The following ANK1 variants were observed in gnomAD, a reference collection of about 807,000 sequenced individuals.
ANK1 encodes ankyrin 1, also known as ankyrin-1.
Under a neutral mutation model 210.4 loss-of-function variants are expected in ANK1, and 51 were observed. That is an observed-to-expected ratio of 0.24 (90% confidence interval 0.19 to 0.31). ANK1 has a LOEUF of 0.31. Among genes scored for constraint, ANK1 ranks in the 10% least tolerant of loss-of-function variants. The probability of loss-of-function intolerance (pLI) is 1.00; values close to 1 mark genes in which losing one functional copy is unlikely to be tolerated. For synonymous variants in ANK1, 967 were observed against 1,025.9 expected, an observed-to-expected ratio of 0.94 and a Z score of 1.10; for missense variants, 2,051 against 2,504.4, an observed-to-expected ratio of 0.82 and a Z score of 3.86.
chr8:41,860,391 A>G (rs1480273575), intron 1 of ANK1, among the ~76,000 whole-genome samples: 1 of 152,234 alleles, frequency 6.6e-6, no homozygotes, highest in Non-Finnish European at 1.5e-5. Context: ...AGCCTTGCCC[A>G]CAATGCGGAG....
intron 39 of ANK1, chr8:41,664,799 G>T: frequency 6.2e-7 from 1 of 1,600,690 alleles, no homozygotes; most frequent in African/African-American, 1.3e-5. Flanking sequence ...CCTGCCAGGC[G>T]GTTACCTTCA....
chr8:41,820,574 G>T (rs1222543271), intron 1 of ANK1, among the ~76,000 whole-genome samples: 1 of 152,032 alleles, frequency 6.6e-6, no homozygotes, highest in East Asian at 1.9e-4. Context: ...TGTGGCCAGT[G>T]TTTTCTCAGG....
At chr8:41,725,618 C>T in intron 6 of ANK1, 143 bp downstream of exon 6, 4 of 1,150,888 alleles carry the variant, frequency 3.5e-6, no homozygotes, top group Non-Finnish European at 4.9e-6. Flanking sequence ...GGCCCCTCTG[C>T]GTCCTGGGGT....
In ANK1 at chr8:41,883,578, A is replaced by G. The variant is rs147273912; in HGVS notation, c.126+12777T>C. On this transcript the variant is annotated intron_variant, in intron 1 of 42. Transcript: ENST00000265709. ...GGGTTCAAGTGATCCTCCCACCTCA[A>G]CCTCCTAAGTAGCTGGGAATACAGG... Among the ~76,000 whole-genome samples, 1,401 of 151,822 alleles carry G rather than the reference A, an allele frequency of 9.2e-3. 19 individuals are homozygous for G. The highest frequency in any genetic ancestry group is 0.032 in the African/African-American group (1,323 of 41,360).
Position 41,704,553 on chromosome 8 carries a change from AAAG to A in ANK1, c.2098-84_2098-82del. On this transcript the variant is annotated intron_variant, in intron 18 of 42. Transcript: ENST00000289734. The surrounding 1 kb of genome is among the most constrained non-coding windows in gnomAD (Gnocchi z 4.1). ...AAATCCTTCCCAAAGCAGCTGATTC[AAAG>A]AGAGAACGGACAGGGAGCCCCTTGA... 7.8e-7 allele frequency: 1 copy of A among 1,279,866 alleles called. No homozygotes were observed. Among genetic ancestry groups the A allele is most frequent in the African/African-American group, 1.5e-5 (1 of 68,582 alleles). The allele number at this position is 1,279,866 out of a possible 1,614,324, so 79.3% of individuals were successfully genotyped here.
At position 41,672,647 on chromosome 8, in the gene ANK1, C is replaced by G. The variant is rs148991558; in HGVS notation, c.4803G>C (p.Lys1601Asn). The G allele has an allele frequency of 1.2e-6, 2 of 1,614,246 alleles. No individual in the cohort carries two copies. Among genetic ancestry groups the G allele is most frequent in the African/African-American group, 2.7e-5 (2 of 75,068 alleles). ...GTTCCTCTGAGAGTGCCCCCTCCAA[C>G]TTCCACTCGTGACCTGTGGCATCAG... is the stretch of plus-strand genomic sequence containing the variant. Reference protein sequence around the residue: ...EDSDATGHEWKLEGALSEEPR... With the variant: ...EDSDATGHEWNLEGALSEEPR... The change falls in exon 38 of 43, where the codon AAG becomes AAC. Residue 1601 changes from lysine to asparagine, a missense_variant. Physicochemically the swap from Lys to Asn is moderately conservative, Grantham distance 94 (BLOSUM62 0). Around this residue, in one of 6 missense-constraint regions of ANK1, gnomAD observed 496 missense variants for 533.4 expected, o/e 0.93. Coordinates refer to ENST00000289734, the MANE Select transcript of ANK1 (RefSeq NM_000037.4).
intron 37 of ANK1, among the ~76,000 whole-genome samples, chr8:41,683,336 G>A (rs1309196818): frequency 6.6e-6 from 1 of 152,220 alleles, no homozygotes; most frequent in Non-Finnish European, 1.5e-5. Context: ...GATGGGCCCT[G>A]CTCCCAGGAT....
At position 41,691,368 on chromosome 8, in the gene ANK1, G is replaced by C. The variant is rs114181382; in HGVS notation, c.3859-769C>G. Among the ~76,000 whole-genome samples, 111 of 152,288 alleles carry C rather than the reference G, an allele frequency of 7.3e-4. 1 individual carries two copies. Among genetic ancestry groups the C allele is most frequent in the African/African-American group, 2.6e-3 (109 of 41,564 alleles). On this transcript the variant is annotated intron_variant, in intron 31 of 42. Coordinates refer to ENST00000289734, the MANE Select transcript of ANK1 (RefSeq NM_000037.4). ...CTGAGAAGTTATCACTAACTCATTT[G>C]ACAGTTGAAAAAATTGAGGCTGAAA... is the stretch of plus-strand genomic sequence containing the variant.
chr8:41,765,053 T>C (rs1204667720), intron 1 of ANK1, among the ~76,000 whole-genome samples: 2 of 151,802 alleles, frequency 1.3e-5, no homozygotes, highest in Non-Finnish European at 2.9e-5. Flanking sequence ...GGGTCAATCA[T>C]TTCCCTTCCT....
In ANK1 at chr8:41,748,103, G is replaced by A. The variant is rs374217070; in HGVS notation, c.129+9933C>T. Among the ~76,000 whole-genome samples the A allele has an allele frequency of 5.0e-4, 76 of 152,228 alleles. No homozygotes were observed. In the East Asian group the frequency reaches 0.014, roughly 28 times the overall value. On this transcript the variant is annotated intron_variant, in intron 2 of 42. Transcript: ENST00000289734. ...CTCTCAGGGTGACGTCAGCATTAAC[G>A]GTGTCGCAGGTACCAGGTGCCAGGC...
intron 1 of ANK1, among the ~76,000 whole-genome samples, chr8:41,761,298 T>TAC (rs905040076): frequency 2.7e-5 from 4 of 149,090 alleles, no homozygotes; most frequent in Non-Finnish European, 4.4e-5. Context: ...AAGAGATGCA[T>TAC]ACACACACAC....
At position 41,692,992 on chromosome 8, in the gene ANK1, C is replaced by G; in HGVS notation, c.3629+113G>C. On this transcript the variant is annotated intron_variant, in intron 30 of 42. Coordinates refer to ENST00000289734, the MANE Select transcript of ANK1 (RefSeq NM_000037.4). ...GCTACTATTGCCACACCTGTGGTCACGGAGGCTTCCACATGGAGGGGACAG... is the reference window on the plus strand; with the variant it reads ...GCTACTATTGCCACACCTGTGGTCAGGGAGGCTTCCACATGGAGGGGACAG... 4 of 1,514,828 alleles carry G rather than the reference C, an allele frequency of 2.6e-6. No homozygotes were observed. In the South Asian group the frequency reaches 4.5e-5, roughly 17 times the overall value. 93.8% of individuals were successfully genotyped at this position (1,514,828 alleles called of 1,614,324 possible).
chr8:41,733,563 A>G (rs1387638321), intron 3 of ANK1, among the ~76,000 whole-genome samples: 3 of 152,166 alleles, frequency 2.0e-5, no homozygotes, highest in East Asian at 1.9e-4. Flanking sequence ...TATTATCTCC[A>G]TTTTACAGAC....
intron 18 of ANK1, among the ~76,000 whole-genome samples, chr8:41,705,064 G>T (rs895535360): frequency 5.9e-5 from 9 of 152,220 alleles, no homozygotes. Context: ...ACTGGTCATT[G>T]CTTATTGAAA....
At chr8:41,851,545 C>T (rs2150811885) in intron 1 of ANK1, among the ~76,000 whole-genome samples, 1 of 152,360 alleles carries the variant, frequency 6.6e-6, no homozygotes, top group African/African-American at 2.4e-5. Flanking sequence ...TGCTCCTTCA[C>T]ACCTAAGTAT....
chr8:41,720,008 G>T, intron 9 of ANK1, 150 bp from the exon 10 acceptor site: 2 of 899,478 alleles, frequency 2.2e-6, no homozygotes, highest in Middle Eastern at 3.2e-4. Context: ...TGGCCTCCAC[G>T]CTCCTGCCGG....
At chr8:41,765,950 G>A (rs1476484448) in intron 1 of ANK1, among the ~76,000 whole-genome samples, 1 of 152,156 alleles carries the variant, frequency 6.6e-6, no homozygotes, top group Non-Finnish European at 1.5e-5. Context: ...CACCTTCTCT[G>A]GGGGTTGGGG....
chr8:41,873,960 C>A (rs897075155), intron 1 of ANK1, among the ~76,000 whole-genome samples: 7 of 152,250 alleles, frequency 4.6e-5, no homozygotes, highest in African/African-American at 1.7e-4. Context: ...TCCCCCTACA[C>A]ACACAAACGC....
At chr8:41,862,934 C>T (rs578093221) in intron 1 of ANK1, among the ~76,000 whole-genome samples, 2 of 152,206 alleles carry the variant, frequency 1.3e-5, no homozygotes, top group Non-Finnish European at 2.9e-5. Flanking sequence ...ATTGCTTGAG[C>T]CCAGGAGTTC....
Sources: allele counts gnomAD v4.1 joint callset (sites outside exome capture counted in the v4.1 genomes callset), GRCh38; gene constraint gnomAD v4.1.1; regional missense constraint gnomAD v4.1.1; non-coding constraint Gnocchi (gnomAD v3.1); transcripts MANE v1.5; gene names NCBI Gene and HGNC (gene_info 2026-07-23, HGNC 2026-07-21).